Variants in TMC2 observed in about 807,000 individuals in gnomAD.
TMC2 encodes the protein transmembrane channel like 2.
A neutral mutation model predicts 105.9 loss-of-function variants in TMC2; 102 were observed. That is an observed-to-expected ratio of 0.96 (90% CI 0.82 to 1.14). The LOEUF (loss-of-function observed/expected upper bound fraction) is 1.14. TMC2 is among the 50% of genes most tolerant of loss of function. The pLI is 0.00. For missense variants in TMC2, 1,093 were observed against 1,134.3 expected, an observed-to-expected ratio of 0.96 and a Z score of 0.52; for synonymous variants, 402 against 422.8, an observed-to-expected ratio of 0.95 and a Z score of 0.60.
At chr20:2,555,229 C>A (rs767446336) in intron 2 of TMC2, among the ~76,000 whole-genome samples, 4 of 152,058 alleles carry the variant, frequency 2.6e-5, no homozygotes, top group Non-Finnish European at 5.9e-5. Context: ...TACAGGCATG[C>A]GCCACGATGC....
rs1333898870 is a variant in TMC2 at position 2,588,831 on chromosome 20, A to G, written c.835-3479A>G. Among the ~76,000 whole-genome samples, 6 of 151,922 alleles carry G rather than the reference A, an allele frequency of 3.9e-5. No individual in the cohort carries two copies. In the East Asian group the frequency reaches 1.2e-3, roughly 29 times the overall value. On this transcript the variant is annotated intron_variant, in intron 7 of 19. Coordinates refer to ENST00000358864, the MANE Select transcript of TMC2 (RefSeq NM_080751.3). The stretch of plus-strand genomic sequence containing the variant: ...TAAGTCTGGACTTTTTTAACCCTGT[A>G]TTAAAATTTAGCCATTCTCTTTTCT...
chr20:2,636,496 A>T (rs1242772797), intron 18 of TMC2, among the ~76,000 whole-genome samples: 1 of 149,408 alleles, frequency 6.7e-6, no homozygotes, highest in African/African-American at 2.5e-5. Flanking sequence ...ACACACACGC[A>T]CACACCCTAA....
chr20:2,639,376 G>T (rs1242383975), intron 19 of TMC2, among the ~76,000 whole-genome samples: 1 of 152,098 alleles, frequency 6.6e-6, no homozygotes, highest in African/African-American at 2.4e-5. Flanking sequence ...TTTACCATTT[G>T]TCATCTTTCA....
chr20:2,637,584 C>G lies in TMC2; in HGVS notation c.2496C>G (p.Thr832=). Residue 832 remains threonine (T), a synonymous_variant, in exon 19 of 20, where the codon ACC becomes ACG. Transcript: ENST00000358864. Reference sequence around the variant, plus strand: ...AAAATGCCACCCAGCTCCAACTCACCAAGGAAGGTAAGCTCTTTGTCATAA... The same window carrying G: ...AAAATGCCACCCAGCTCCAACTCACGAAGGAAGGTAAGCTCTTTGTCATAA... The part of the protein sequence containing the change: ...SSKNATQLQL[T]KEETTPPSAS... 1 of 1,607,952 alleles carries G rather than the reference C, an allele frequency of 6.2e-7. No individual in the cohort carries two copies. The highest frequency in any genetic ancestry group is 1.7e-4 in the Middle Eastern group (1 of 6,048).
Position 2,612,064 on chromosome 20 carries a change from C to G in TMC2, c.1594-127C>G, listed in dbSNP as rs947602236. On this transcript the variant is annotated intron_variant, in intron 12 of 19. Coordinates refer to ENST00000358864, the MANE Select transcript of TMC2 (RefSeq NM_080751.3). ...GCCTGAGAAGGGAATTTTGGAAGGA[C>G]TCTGTCCAGGGGAGAGCAGAAGCTA... 1.2e-5 allele frequency: 11 copies of G among 905,614 alleles called. No homozygotes were observed. In the African/African-American group the frequency reaches 1.8e-4, roughly 15 times the overall value. The allele number at this position is 905,614 out of a possible 1,614,324, so 56.1% of individuals were successfully genotyped here.
chr20:2,622,093 C>T (rs2086529450), intron 16 of TMC2, among the ~76,000 whole-genome samples: 1 of 152,094 alleles, frequency 6.6e-6, no homozygotes, highest in Non-Finnish European at 1.5e-5. Context: ...ACTTGAAATG[C>T]CATCATGCTA....
chr20:2,558,348 T>C lies in TMC2; in HGVS notation c.83-108T>C. The C allele has an allele frequency of 6.6e-7, 1 of 1,507,848 alleles. No individual in the cohort carries two copies. Among genetic ancestry groups the C allele is most frequent in the Non-Finnish European group, 8.9e-7 (1 of 1,126,940 alleles). The allele number at this position is 1,507,848 out of a possible 1,614,324, so 93.4% of individuals were successfully genotyped here. ...TGTCCTGTTCTGAGCCCCGCAGAGCTCACAAGCTCTCGGAATCATCTTGGA... is the reference window on the plus strand; with the variant it reads ...TGTCCTGTTCTGAGCCCCGCAGAGCCCACAAGCTCTCGGAATCATCTTGGA... On this transcript the variant is annotated intron_variant, in intron 2 of 19. Transcript: ENST00000358864. The surrounding 1 kb of genome is among the most constrained non-coding windows in gnomAD (Gnocchi z 4.6).
intron 17 of TMC2, among the ~76,000 whole-genome samples, chr20:2,631,724 TATG>T (rs2086604733): frequency 6.6e-6 from 1 of 151,810 alleles, no homozygotes; most frequent in African/African-American, 2.4e-5. Context: ...TTCAATTTGC[TATG>T]ATATGTCTAG....
Position 2,602,168 on chromosome 20 carries a change from G to A in TMC2, c.1280G>A (p.Arg427Lys), listed in dbSNP as rs370881578. Residue 427 changes from arginine (R) to lysine (K), a missense_variant, in exon 11 of 20, where the codon AGA (arginine) becomes AAA (lysine). Transcript: ENST00000358864. ...AAAGAAGAAAATATCCATCTGACAA[G>A]ATTTCTTCGTGTCCTGGCCAACTTT... ...SNKEENIHLT[R>K]FLRVLANFLI... The A allele has an allele frequency of 6.2e-7, 1 of 1,613,206 alleles. No individual in the cohort carries two copies. Among genetic ancestry groups the A allele is most frequent in the East Asian group, 2.2e-5 (1 of 44,774 alleles).
chr20:2,611,886 GTGGATGGATGGATGGA>G (rs59459136), intron 12 of TMC2, among the ~76,000 whole-genome samples: 2 of 87,442 alleles, frequency 2.3e-5, no homozygotes, highest in African/African-American at 4.4e-5. Context: ...GGGTGGGTGG[GTGGATGGATGGATGGA>G]TGGATGGATG....
At chr20:2,545,775 TGAAGAA>T (rs879377068) in intron 2 of TMC2, among the ~76,000 whole-genome samples, 1 of 109,262 alleles carries the variant, frequency 9.2e-6, no homozygotes, top group Non-Finnish European at 1.8e-5. Flanking sequence ...AAGAAGAAGA[TGAAGAA>T]GAAGACGAAG....
intron 4 of TMC2, among the ~76,000 whole-genome samples, chr20:2,569,390 T>C (rs2086087220): frequency 6.6e-6 from 1 of 152,242 alleles, no homozygotes; most frequent in Admixed American, 6.5e-5. Flanking sequence ...ACCTATCCAA[T>C]GATGCCTGAC....
At chr20:2,623,452 T>G (rs959015884) in intron 16 of TMC2, among the ~76,000 whole-genome samples, 2 of 151,880 alleles carry the variant, frequency 1.3e-5, no homozygotes, top group East Asian at 1.9e-4. Context: ...GGCAGGAGAA[T>G]TGCTTGAATC....
Position 2,633,817 on chromosome 20 carries a change from G to A in TMC2, c.2307-2109G>A, listed in dbSNP as rs546973231. The stretch of plus-strand genomic sequence containing the variant: ...GCTGCAGAACTCACTGTTCTTGCTG[G>A]AATTTAGCTGTTTTCCTTGAAAAGG... On this transcript the variant is annotated intron_variant, in intron 17 of 19. Transcript: ENST00000358864. Among the ~76,000 whole-genome samples, 12 of 152,190 alleles carry A rather than the reference G, an allele frequency of 7.9e-5. No individual in the cohort carries two copies. The East Asian group carries it at 2.3e-3, about 29-fold the overall frequency.
Position 2,637,493 on chromosome 20 carries a change from G to A in TMC2, c.2405G>A (p.Ser802Asn), listed in dbSNP as rs986499813. The A allele has an allele frequency of 1.2e-6, 2 of 1,613,676 alleles. No homozygotes were observed. Among genetic ancestry groups the A allele is most frequent in the Middle Eastern group, 1.7e-4 (1 of 6,056 alleles). Residue 802 changes from serine to asparagine, a missense_variant, in exon 19 of 20, where the codon AGT becomes AAT. Coordinates refer to ENST00000358864, the MANE Select transcript of TMC2 (RefSeq NM_080751.3). ...CTGCAGCTCCGTGAAGTTGAGAAGA[G>A]TCACAAATCTGTAAAAGGCAAAGCC... ...KIQVLREVEK[S>N]HKSVKGKATA...
At position 2,558,347 on chromosome 20, in the gene TMC2, C is replaced by T; in HGVS notation, c.83-109C>T. 2 of 1,507,054 alleles carry T rather than the reference C, an allele frequency of 1.3e-6. No homozygotes were observed. Among genetic ancestry groups the T allele is most frequent in the Non-Finnish European group, 1.8e-6 (2 of 1,126,572 alleles). The allele number at this position is 1,507,054 out of a possible 1,614,324, so 93.4% of individuals were successfully genotyped here. A position where few individuals can be genotyped will look rare whatever the true frequency, so the allele number is the denominator to read the frequency against. On this transcript the variant is annotated intron_variant, in intron 2 of 19. Coordinates refer to ENST00000358864, the MANE Select transcript of TMC2 (RefSeq NM_080751.3). The surrounding 1 kb of genome is among the most constrained non-coding windows in gnomAD (Gnocchi z 4.6). ...GTGTCCTGTTCTGAGCCCCGCAGAG[C>T]TCACAAGCTCTCGGAATCATCTTGG...
chr20:2,621,658 ACT>A (rs1159913530), intron 16 of TMC2, among the ~76,000 whole-genome samples: 1 of 152,096 alleles, frequency 6.6e-6, no homozygotes, highest in African/African-American at 2.4e-5. Context: ...AACGAGCAAG[ACT>A]CTGTCTCAAA....
rs6515646 is a variant in TMC2, at chr20:2,613,217, T to C, written c.1767T>C (p.Ser589=). Residue 589 remains serine, a synonymous_variant, in exon 14 of 20, where the codon TCT becomes TCC. Transcript: ENST00000358864. ...AGGAATTCATGAGGCTGACGGTGTC[T>C]GACATGCTGGTAACGTACATCACCA... ...VGIEFMRLTV[S]DMLVTYITIL... 0.24 allele frequency: 391,587 copies of C among 1,613,378 alleles called. 48,548 individuals are homozygous for C. The highest frequency in any genetic ancestry group is 0.31 in the East Asian group (13,812 of 44,834).
At chr20:2,599,489 G>A (rs903274403) in intron 10 of TMC2, among the ~76,000 whole-genome samples, 3 of 149,514 alleles carry the variant, frequency 2.0e-5, no homozygotes, top group African/African-American at 7.4e-5. Context: ...CTTTGCCCCC[G>A]TGATTGTAAA....
Sources: allele counts gnomAD v4.1 joint callset (sites outside exome capture counted in the v4.1 genomes callset), GRCh38; gene constraint gnomAD v4.1.1; non-coding constraint Gnocchi (gnomAD v3.1); transcripts MANE v1.5; gene names NCBI Gene and HGNC (gene_info 2026-07-23, HGNC 2026-07-21).